KLHDC10: variants seen among roughly 807,000 people sequenced by gnomAD.
The protein encoded by KLHDC10 is kelch domain-containing protein 10.
Under a neutral mutation model 56.1 loss-of-function variants are expected in KLHDC10, and 24 were observed. The ratio of observed to expected loss-of-function variants is 0.43; its 90% CI spans 0.31 to 0.60. The LOEUF is 0.60. KLHDC10 is among the 20% of genes least tolerant of loss of function. The pLI is 0.11. For synonymous variants in KLHDC10, 188 were observed against 207.1 expected (o/e 0.91, Z 0.79); for missense variants, 349 against 567.0 (o/e 0.62, Z 3.91).
rs2116925387 is a variant in KLHDC10, at chr7:130,130,566, G to A, written c.1149G>A (p.Val383=). The change falls in exon 10 of 10, where the codon GTG becomes GTA. Residue 383 remains valine, a synonymous_variant. Transcript: ENST00000335420. This position sits in a 1 kb window ranked among gnomAD's most constrained non-coding sequence, Gnocchi z 4.2. The stretch of plus-strand genomic sequence containing the variant: ...GTTGCATGTACATTCATGGAGGAGT[G>A]GTGAACATCCATGAAAACAAACGGA... The part of the protein sequence containing the change: ...PAGCMYIHGG[V]VNIHENKRTG... 6.2e-7 allele frequency: 1 copy of A among 1,613,954 alleles called. No homozygotes were observed. The highest frequency in any genetic ancestry group is 2.2e-5 in the East Asian group (1 of 44,878).
intron 8 of KLHDC10, 64 bp from the exon 9 acceptor site, chr7:130,129,373 T>G: frequency 6.3e-7 from 1 of 1,595,874 alleles, no homozygotes; most frequent in Non-Finnish European, 8.5e-7. Context: ...TGACCTACTC[T>G]AAAACACTCC....
At chr7:130,076,764 T>C (rs1340387893) in intron 1 of KLHDC10, among the ~76,000 whole-genome samples, 1 of 152,194 alleles carries the variant, frequency 6.6e-6, no homozygotes, top group African/African-American at 2.4e-5. Context: ...ACTTAGTTCC[T>C]ACAGTTTGAG....
intron 1 of KLHDC10, among the ~76,000 whole-genome samples, chr7:130,071,626 T>TC (rs1463123201): frequency 6.6e-5 from 10 of 152,238 alleles, no homozygotes; most frequent in Non-Finnish European, 1.5e-4. Flanking sequence ...AATTGAATAT[T>TC]CAATCTAGTA....
At chr7:130,076,059 G>C (rs944038434) in intron 1 of KLHDC10, among the ~76,000 whole-genome samples, 48 of 152,030 alleles carry the variant, frequency 3.2e-4, no homozygotes, top group African/African-American at 1.1e-3. Context: ...GTGGAGGAGT[G>C]GGGGGAATGG....
At chr7:130,077,372 A>C (rs35782980) in intron 1 of KLHDC10, among the ~76,000 whole-genome samples, 4,922 of 145,362 alleles carry the variant, frequency 0.034, 172 homozygotes, top group Non-Finnish European at 0.059. Flanking sequence ...AAAAAAAAAA[A>C]AAAAAAAAAA....
At chr7:130,089,390 C>G (rs1343657135) in intron 1 of KLHDC10, among the ~76,000 whole-genome samples, 1 of 152,086 alleles carries the variant, frequency 6.6e-6, no homozygotes, top group Non-Finnish European at 1.5e-5. Context: ...TCCAGGAGTT[C>G]AAGACCAGCT....
chr7:130,131,523 T>C lies in KLHDC10; in HGVS notation c.*777T>C, dbSNP rs1341046706. On this transcript the variant is annotated 3_prime_UTR_variant, in exon 10 of 10. Transcript: ENST00000335420. ...CCAAGAATGTTTCAAACGGAAAAACTTGTGGTGGCCAAAGTTCTTCATTCT... is the reference window on the plus strand; with the variant it reads ...CCAAGAATGTTTCAAACGGAAAAACCTGTGGTGGCCAAAGTTCTTCATTCT... The C allele has an allele frequency of 6.6e-6, 1 of 152,212 alleles. No homozygotes were observed. The highest frequency in any genetic ancestry group is 2.4e-5 in the African/African-American group (1 of 41,454). 9.4% of individuals were successfully genotyped at this position (152,212 alleles called of 1,614,324 possible). A position where few individuals can be genotyped will look rare whatever the true frequency, so the allele number is the denominator to read the frequency against.
At chr7:130,077,851 G>A (rs1427018937) in intron 1 of KLHDC10, among the ~76,000 whole-genome samples, 2 of 151,604 alleles carry the variant, frequency 1.3e-5, no homozygotes, top group African/African-American at 2.4e-5. Context: ...CACCGCGCCC[G>A]GCCGGGGTTT....
intron 2 of KLHDC10, among the ~76,000 whole-genome samples, chr7:130,109,762 C>G (rs1796075698): frequency 6.6e-6 from 1 of 152,158 alleles, no homozygotes; most frequent in African/African-American, 2.4e-5. Flanking sequence ...CCTCAGCCTC[C>G]CGAGTAGCTG....
At position 130,116,415 on chromosome 7, in the gene KLHDC10, C is replaced by A. The variant is rs1198312542; in HGVS notation, c.254-30C>A. On this transcript the variant is annotated intron_variant, in intron 2 of 9. Coordinates refer to ENST00000335420, the MANE Select transcript of KLHDC10 (RefSeq NM_014997.4). This position sits in a 1 kb window ranked among gnomAD's most constrained non-coding sequence, Gnocchi z 4.8. ...TTTGTGCTTTTAAACTGGTAGGACACCTGTGGAAAACTGTCCTCTTCTCTC... is the reference window on the plus strand; with the variant it reads ...TTTGTGCTTTTAAACTGGTAGGACAACTGTGGAAAACTGTCCTCTTCTCTC... The A allele has an allele frequency of 6.4e-7, 1 of 1,562,622 alleles. No individual in the cohort carries two copies.
At chr7:130,096,760 T>G (rs1795854772) in intron 1 of KLHDC10, among the ~76,000 whole-genome samples, 161 bp from the exon 2 acceptor site, 1 of 152,218 alleles carries the variant, frequency 6.6e-6, no homozygotes, top group Non-Finnish European at 1.5e-5. Flanking sequence ...TAATTTAATT[T>G]TGACTTCCAA....
At chr7:130,108,136 G>A (rs1234359720) in intron 2 of KLHDC10, among the ~76,000 whole-genome samples, 1 of 151,886 alleles carries the variant, frequency 6.6e-6, no homozygotes, top group East Asian at 1.9e-4. Flanking sequence ...CGCTGAGGTG[G>A]GAGAATCGCC....
intron 2 of KLHDC10, among the ~76,000 whole-genome samples, chr7:130,102,336 A>G (rs1795943067): frequency 6.6e-6 from 1 of 152,196 alleles, no homozygotes; most frequent in South Asian, 2.1e-4. Context: ...GTAGTCCTTC[A>G]TTTATTAATA....
In KLHDC10 at chr7:130,120,534, CATT is replaced by C. The variant is rs957260365; in HGVS notation, c.476-214_476-212del. ...TCCAGTGAGCATTTCCTTTAAGCAT[CATT>C]GTTGGTGCGCAAAAAGTCTAATTCG... On this transcript the variant is annotated intron_variant, in intron 3 of 9. Transcript: ENST00000335420. This position sits in a 1 kb window ranked among gnomAD's most constrained non-coding sequence, Gnocchi z 5.1. Among the ~76,000 whole-genome samples, 3 of 152,158 alleles carry C rather than the reference CATT, an allele frequency of 2.0e-5. No individual in the cohort carries two copies. The highest frequency in any genetic ancestry group is 4.1e-4 in the South Asian group (2 of 4,826).
At chr7:130,085,166 C>T (rs1467788524) in intron 1 of KLHDC10, among the ~76,000 whole-genome samples, 2 of 151,396 alleles carry the variant, frequency 1.3e-5, no homozygotes, top group Non-Finnish European at 2.9e-5. Context: ...AACCCCGTCT[C>T]TACTAAAAAT....
At chr7:130,085,281 C>T (rs1432913932) in intron 1 of KLHDC10, among the ~76,000 whole-genome samples, 11 of 147,184 alleles carry the variant, frequency 7.5e-5, no homozygotes, top group Non-Finnish European at 1.3e-4. Context: ...TGCAGTGAGC[C>T]GAGATCATGC....
In KLHDC10 at chr7:130,127,391, G is replaced by A. The variant is rs1390361591; in HGVS notation, c.932-13G>A. On this transcript the variant is annotated splice_polypyrimidine_tract_variant and intron_variant, in intron 7 of 9. Coordinates refer to ENST00000335420, the MANE Select transcript of KLHDC10 (RefSeq NM_014997.4). ...TGTAAGTAATGGAACTTCTGTGTTT[G>A]TGTGTTTGGCAGGCTTTCCTGCAGC... 1.2e-6 allele frequency: 2 copies of A among 1,611,280 alleles called. No homozygotes were observed. The highest frequency in any genetic ancestry group is 2.7e-5 in the African/African-American group (2 of 74,870).
At chr7:130,091,845 A>G (rs926168508) in intron 1 of KLHDC10, among the ~76,000 whole-genome samples, 7 of 152,172 alleles carry the variant, frequency 4.6e-5, no homozygotes, top group African/African-American at 1.7e-4. Context: ...AAAACAATCC[A>G]ATTATATATC....
At position 130,075,309 on chromosome 7, in the gene KLHDC10, G is replaced by T. The variant is rs185093788; in HGVS notation, c.166+4500G>T. 3.2e-4 allele frequency among the ~76,000 whole-genome samples: 48 copies of T among 152,266 alleles called. 1 individual carries two copies. Among genetic ancestry groups the T allele is most frequent in the Middle Eastern group, 3.4e-3 (1 of 294 alleles). On this transcript the variant is annotated intron_variant, in intron 1 of 9. Coordinates refer to ENST00000335420, the MANE Select transcript of KLHDC10 (RefSeq NM_014997.4). Reference sequence around the variant, plus strand: ...GAACTGGAAAACTGACAAAGAAAAAGAAGGAAAAATGTAACAGTTGGTAAA... The same window carrying T: ...GAACTGGAAAACTGACAAAGAAAAATAAGGAAAAATGTAACAGTTGGTAAA...
Sources: allele counts gnomAD v4.1 joint callset (sites outside exome capture counted in the v4.1 genomes callset), GRCh38; gene constraint gnomAD v4.1.1; non-coding constraint Gnocchi (gnomAD v3.1); transcripts MANE v1.5; gene names NCBI Gene and HGNC (gene_info 2026-07-23, HGNC 2026-07-21).